The following OXTR variants were observed in gnomAD, a reference collection of about 807,000 sequenced individuals.
OXTR encodes oxytocin receptor.
A neutral mutation model predicts 23.9 loss-of-function variants in OXTR; 19 were observed. The observed-to-expected ratio is 0.80, with a 90% confidence interval of 0.56 to 1.17. The LOEUF is 1.17. Among genes scored for constraint, OXTR ranks in the 50% most tolerant of loss-of-function variants. OXTR has a pLI of 0.00. For missense variants in OXTR, 500 were observed against 550.7 expected, an observed-to-expected ratio of 0.91 and a Z score of 0.92; for synonymous variants, 278 against 250.5, an observed-to-expected ratio of 1.11 and a Z score of -1.04.
Position 8,751,718 on chromosome 3 carries a change from A to T in OXTR, c.*1259T>A, listed in dbSNP as rs9872425. 15,206 of 152,194 alleles carry T rather than the reference A, an allele frequency of 0.1. 834 individuals are homozygous for T. Among genetic ancestry groups the T allele is most frequent in the Non-Finnish European group, 0.13 (8,869 of 67,984 alleles). The allele number at this position is 152,194 out of a possible 1,614,324, so 9.4% of individuals were successfully genotyped here. The stretch of plus-strand genomic sequence containing the variant: ...ATAAGTGTTCATATCTGTACTCTTT[A>T]TTCTGCTCCGTATGTCTATCCTTAA... On this transcript the variant is annotated 3_prime_UTR_variant, in exon 4 of 4. Coordinates refer to ENST00000316793, the MANE Select transcript of OXTR (RefSeq NM_000916.4).
chr3:8,749,141 G>T (rs549151117), downstream of OXTR, among the ~76,000 whole-genome samples: 1 of 152,256 alleles, frequency 6.6e-6, no homozygotes, highest in South Asian at 2.1e-4. Context: ...ATTCTTCTAG[G>T]CTTTAGTTGG....
In OXTR at chr3:8,752,389, A is replaced by G. The variant is rs1195226345; in HGVS notation, c.*588T>C. The G allele has an allele frequency of 6.6e-6, 1 of 152,614 alleles. No homozygotes were observed. The highest frequency in any genetic ancestry group is 1.5e-5 in the Non-Finnish European group (1 of 68,088). 9.5% of individuals were successfully genotyped at this position (152,614 alleles called of 1,614,324 possible). A position where few individuals can be genotyped will look rare whatever the true frequency, so the allele number is the denominator to read the frequency against. The stretch of plus-strand genomic sequence containing the variant: ...AATGCTTCTTAAACATTAGCTTCTT[A>G]AACATTTTTAACCCAAGTTCTAATA... On this transcript the variant is annotated 3_prime_UTR_variant, in exon 4 of 4. Transcript: ENST00000316793.
the OXTR span, among the ~76,000 whole-genome samples, chr3:8,743,855 G>C: frequency 6.6e-6 from 1 of 152,222 alleles, no homozygotes; most frequent in Non-Finnish European, 1.5e-5. Flanking sequence ...TTTAGTAATA[G>C]AGAAGTACAA....
At chr3:8,743,222 G>A in the OXTR span, among the ~76,000 whole-genome samples, 1 of 152,102 alleles carries the variant, frequency 6.6e-6, no homozygotes, top group Non-Finnish European at 1.5e-5. Flanking sequence ...GATTTGGACG[G>A]GACAAACATC....
At chr3:8,755,379 C>T (rs1411978317) in intron 3 of OXTR, among the ~76,000 whole-genome samples, 1 of 152,252 alleles carries the variant, frequency 6.6e-6, no homozygotes, top group Non-Finnish European at 1.5e-5. Context: ...GGATGAAGTT[C>T]ACAGAAAGAC....
chr3:8,747,205 G>A (rs1003275202), downstream of OXTR, among the ~76,000 whole-genome samples: 1 of 152,116 alleles, frequency 6.6e-6, no homozygotes, highest in African/African-American at 2.4e-5. Context: ...CACACAGCTT[G>A]GGAACTAGGA....
At position 8,751,682 on chromosome 3, in the gene OXTR, T is replaced by A. The variant is rs186542407; in HGVS notation, c.*1295A>T. 40 of 152,320 alleles carry A rather than the reference T, an allele frequency of 2.6e-4. 1 individual carries two copies. Among genetic ancestry groups the A allele is most frequent in the African/African-American group, 9.4e-4 (39 of 41,576 alleles). The allele number at this position is 152,320 out of a possible 1,614,324, so 9.4% of individuals were successfully genotyped here. On this transcript the variant is annotated 3_prime_UTR_variant, in exon 4 of 4. Coordinates refer to ENST00000316793, the MANE Select transcript of OXTR (RefSeq NM_000916.4). The stretch of plus-strand genomic sequence containing the variant: ...CTTGGGAACCTTGTCAAAAATCAAT[T>A]GACCGTAAGTATAAGTGTTCATATC...
chr3:8,741,523 C>T, the OXTR span, among the ~76,000 whole-genome samples: 7 of 152,066 alleles, frequency 4.6e-5, no homozygotes, highest in South Asian at 2.1e-4. Context: ...TTGGCCCAAT[C>T]GTCTCTGTGT....
rs1388350557 is a variant in OXTR at position 8,767,832 on chromosome 3, T to A, written c.356A>T (p.Gln119Leu). Reference sequence around the variant, plus strand: ...GGTGGAGGCGAACATGCCCACCACCTGCAAGTACTTGACCAGGCGGCACAG... The same window carrying A: ...GGTGGAGGCGAACATGCCCACCACCAGCAAGTACTTGACCAGGCGGCACAG... Reference protein sequence around the residue: ...DLLCRLVKYLQVVGMFASTYL... With the variant: ...DLLCRLVKYLLVVGMFASTYL... The change falls in exon 3 of 4, where the codon CAG (glutamine) becomes CTG (leucine). Residue 119 changes from glutamine to leucine, a missense_variant. Gln to Leu is a moderately radical substitution (Grantham distance 113, BLOSUM62 -2). Transcript: ENST00000316793. The A allele has an allele frequency of 6.2e-7, 1 of 1,612,002 alleles. No individual in the cohort carries two copies. Among genetic ancestry groups the A allele is most frequent in the Non-Finnish European group, 8.5e-7 (1 of 1,178,988 alleles).
chr3:8,757,825 C>G (rs1375511447), intron 3 of OXTR, among the ~76,000 whole-genome samples: 1 of 152,176 alleles, frequency 6.6e-6, no homozygotes, highest in African/African-American at 2.4e-5. Context: ...AGAGGTCAGA[C>G]GTCCATCCTT....
chr3:8,763,036 C>T (rs1708523631), intron 3 of OXTR, among the ~76,000 whole-genome samples: 2 of 152,196 alleles, frequency 1.3e-5, no homozygotes, highest in South Asian at 2.1e-4. Flanking sequence ...AAGGCATCCC[C>T]TGGAGTTGTG....
chr3:8,754,203 T>C (rs1708327608), intron 3 of OXTR, among the ~76,000 whole-genome samples: 1 of 152,206 alleles, frequency 6.6e-6, no homozygotes, highest in African/African-American at 2.4e-5. Context: ...GCAAAGTTAA[T>C]GATCAGAAAT....
rs1708481703 is a variant in OXTR, at chr3:8,761,350, G to T, written c.922+5916C>A. Reference sequence around the variant, plus strand: ...CTCGGTGTGTGTGTGTGTAGGTGTTGCAGGAAGAGCCCAAGATGTCAGGAC... The same window carrying T: ...CTCGGTGTGTGTGTGTGTAGGTGTTTCAGGAAGAGCCCAAGATGTCAGGAC... On this transcript the variant is annotated intron_variant, in intron 3 of 3. Transcript: ENST00000316793. 2.6e-5 allele frequency among the ~76,000 whole-genome samples: 4 copies of T among 152,146 alleles called. 1 individual carries two copies. The highest frequency in any genetic ancestry group is 1.3e-4 in the Admixed American group (2 of 15,272).
intron 3 of OXTR, among the ~76,000 whole-genome samples, chr3:8,763,733 T>G (rs905827170): frequency 6.6e-6 from 1 of 152,228 alleles, no homozygotes; most frequent in African/African-American, 2.4e-5. Context: ...CTTTGAAGAA[T>G]GGATCTCATC....
At chr3:8,745,811 G>C (rs773309037), downstream of OXTR, 9 of 1,613,666 alleles carry the variant, frequency 5.6e-6, no homozygotes, top group East Asian at 2.0e-4. The surrounding 1 kb of genome is among the most constrained non-coding windows in gnomAD (Gnocchi z 4.8). Context: ...CCCACTCTTC[G>C]CGGCCCTGGG....
Position 8,768,996 on chromosome 3 carries a change from G to A in OXTR, c.-239+235C>T, listed in dbSNP as rs970834487. ...AGACCCTGGCATAGACACCTCCCGC[G>A]GGGCTCCTCCCCAGCCCGGCAGCCT... On this transcript the variant is annotated intron_variant, in intron 1 of 3. Coordinates refer to ENST00000316793, the MANE Select transcript of OXTR (RefSeq NM_000916.4). This position sits in a 1 kb window ranked among gnomAD's most constrained non-coding sequence, Gnocchi z 5.4. 3.3e-5 allele frequency among the ~76,000 whole-genome samples: 5 copies of A among 152,186 alleles called. No individual in the cohort carries two copies. The highest frequency in any genetic ancestry group is 4.8e-5 in the African/African-American group (2 of 41,452).
chr3:8,768,841 C>T lies in OXTR; in HGVS notation c.-238-250G>A, dbSNP rs190141289. 2.0e-4 allele frequency among the ~76,000 whole-genome samples: 31 copies of T among 152,282 alleles called. 1 individual carries two copies. The East Asian group carries it at 4.1e-3, about 20-fold the overall frequency. On this transcript the variant is annotated intron_variant, in intron 1 of 3. Transcript: ENST00000316793. This position sits in a 1 kb window ranked among gnomAD's most constrained non-coding sequence, Gnocchi z 5.4. Reference sequence around the variant, plus strand: ...CAGCTCTGGTCCTTCCCCGTCTAACCCCCTTTTCTAAGACGGTCGGCCGTC... The same window carrying T: ...CAGCTCTGGTCCTTCCCCGTCTAACTCCCTTTTCTAAGACGGTCGGCCGTC...
the OXTR span, among the ~76,000 whole-genome samples, chr3:8,743,731 A>G: frequency 7.2e-5 from 11 of 152,296 alleles, no homozygotes; most frequent in African/African-American, 2.4e-4. Flanking sequence ...GGAGCTCAGA[A>G]GCTAAAGTCA....
chr3:8,753,362 T>A, intron 3 of OXTR, 138 bp from the exon 4 acceptor site: 1 of 1,067,944 alleles, frequency 9.4e-7, no homozygotes, highest in South Asian at 1.6e-5. Flanking sequence ...CAAGATGAGG[T>A]ACTAAAGAGG....
Sources: gnomAD v4.1 joint callset for allele counts (sites outside exome capture counted in the v4.1 genomes callset) on GRCh38, gnomAD v4.1.1 for gene constraint, Gnocchi (gnomAD v3.1) non-coding constraint, MANE v1.5 for transcripts, NCBI Gene and HGNC (gene_info 2026-07-23, HGNC 2026-07-21) for gene names.